Variants in TMPRSS15 observed in about 807,000 individuals in gnomAD.
The protein encoded by TMPRSS15 is transmembrane serine protease 15, also known as enteropeptidase.
In TMPRSS15, 128 loss-of-function variants were observed where a neutral mutation model predicts 125.3. The ratio of observed to expected loss-of-function variants is 1.02; its 90% CI spans 0.89 to 1.18. TMPRSS15 has a LOEUF of 1.18. Ranked by LOEUF, TMPRSS15 falls within the 50% of genes most tolerant of loss-of-function variation. The pLI, the probability that TMPRSS15 is intolerant of heterozygous loss-of-function variation, is 0.00. For missense variants in TMPRSS15, 1,283 were observed against 1,212.7 expected (o/e 1.06, Z -0.86); for synonymous variants, 446 against 423.2 (o/e 1.05, Z -0.66).
intron 24 of TMPRSS15, among the ~76,000 whole-genome samples, chr21:18,271,387 A>AGAC (rs1346067992): frequency 1.3e-5 from 2 of 152,204 alleles, no homozygotes; most frequent in Admixed American, 6.5e-5. Flanking sequence ...ATTTTTTAAT[A>AGAC]GACAAGAGGA....
chr21:18,440,273 T>A (rs1252333607), intron 1 of TMPRSS15, among the ~76,000 whole-genome samples: 1 of 145,558 alleles, frequency 6.9e-6, no homozygotes, highest in Non-Finnish European at 1.5e-5. Flanking sequence ...CACGGGAGGC[T>A]GAGGCAGGAG....
chr21:18,430,422 T>C lies in TMPRSS15; in HGVS notation c.11-32093A>G, dbSNP rs182860141. 1.1e-4 allele frequency among the ~76,000 whole-genome samples: 16 copies of C among 152,296 alleles called. No individual in the cohort carries two copies. In the East Asian group the frequency reaches 1.4e-3, roughly 13 times the overall value. On this transcript the variant is annotated intron_variant, in intron 1 of 7. Coordinates refer to the TMPRSS15 transcript ENST00000422787. ...ACTTATTTTGGCAGCAGAAAATATA[T>C]TGGTGAAGGTGTTCACCTAGAATGA...
chr21:18,379,832 T>A (rs1382827833), intron 4 of TMPRSS15, among the ~76,000 whole-genome samples: 1 of 152,072 alleles, frequency 6.6e-6, no homozygotes, highest in African/African-American at 2.4e-5. Context: ...TACAAAATCA[T>A]TCTGATAATT....
At chr21:18,458,408 C>T (rs1424129784) in intron 1 of TMPRSS15, among the ~76,000 whole-genome samples, 1 of 152,064 alleles carries the variant, frequency 6.6e-6, no homozygotes, top group East Asian at 1.9e-4. Context: ...CACACTATGC[C>T]AGAACTGTGT....
chr21:18,330,437 A>G (rs1039759797), intron 14 of TMPRSS15, among the ~76,000 whole-genome samples: 1 of 152,164 alleles, frequency 6.6e-6, no homozygotes, highest in Non-Finnish European at 1.5e-5. Flanking sequence ...ATTCTTTCAC[A>G]CTTCTAATTT....
chr21:18,286,004 G>A (rs1311099856), intron 21 of TMPRSS15, among the ~76,000 whole-genome samples: 3 of 152,182 alleles, frequency 2.0e-5, no homozygotes, highest in Non-Finnish European at 4.4e-5. Context: ...TTGTGTAAGT[G>A]TAAGAAACAG....
chr21:18,275,739 G>A (rs768302677), intron 23 of TMPRSS15, among the ~76,000 whole-genome samples: 1 of 152,154 alleles, frequency 6.6e-6, no homozygotes, highest in Admixed American at 6.5e-5. Flanking sequence ...GGAGGTGCTC[G>A]CTTCTGTATA....
At chr21:18,437,059 A>C (rs1038708307) in intron 1 of TMPRSS15, among the ~76,000 whole-genome samples, 3 of 148,562 alleles carry the variant, frequency 2.0e-5, no homozygotes, top group Non-Finnish European at 4.5e-5. Context: ...GCATCATGCT[A>C]CCTGACTTCA....
chr21:18,418,571 AC>A (rs905230629), intron 1 of TMPRSS15, among the ~76,000 whole-genome samples: 11 of 151,278 alleles, frequency 7.3e-5, no homozygotes, highest in Admixed American at 1.3e-4. Context: ...GGAAAATGTT[AC>A]CCCCCCAATC....
chr21:18,353,320 A>G (rs762000955), intron 9 of TMPRSS15, among the ~76,000 whole-genome samples: 2 of 151,774 alleles, frequency 1.3e-5, no homozygotes, highest in Non-Finnish European at 2.9e-5. Context: ...TAAGTTTTAC[A>G]TCTTGTTTCC....
At chr21:18,387,948 G>T (rs1458045542) in intron 3 of TMPRSS15, among the ~76,000 whole-genome samples, 1 of 151,550 alleles carries the variant, frequency 6.6e-6, no homozygotes, top group Non-Finnish European at 1.5e-5. Flanking sequence ...AGTTAATAAT[G>T]AGTCTTCTAC....
intron 11 of TMPRSS15, 94 bp from the exon 12 acceptor site, chr21:18,343,750 A>G: frequency 6.9e-7 from 1 of 1,441,256 alleles, no homozygotes; most frequent in East Asian, 2.3e-5. Context: ...TCTTTGAAAT[A>G]ATCTTTTTTT....
At chr21:18,392,732 A>G (rs1306822697) in intron 3 of TMPRSS15, among the ~76,000 whole-genome samples, 1 of 152,224 alleles carries the variant, frequency 6.6e-6, no homozygotes, top group Non-Finnish European at 1.5e-5. Context: ...AGGAAGTTTA[A>G]TTGACTCACA....
chr21:18,440,298 G>A (rs879661829), intron 1 of TMPRSS15, among the ~76,000 whole-genome samples: 54 of 138,660 alleles, frequency 3.9e-4, no homozygotes, highest in African/African-American at 1.1e-3. Context: ...GCGTGAACCC[G>A]GGAGGCGGAG....
chr21:18,302,363 C>T (rs1244470551), intron 18 of TMPRSS15, among the ~76,000 whole-genome samples: 1 of 152,060 alleles, frequency 6.6e-6, no homozygotes, highest in East Asian at 1.9e-4. Flanking sequence ...AGAAGAGATT[C>T]GATGGCAAAT....
At chr21:18,317,553 T>A (rs1357165849) in intron 16 of TMPRSS15, among the ~76,000 whole-genome samples, 1 of 152,042 alleles carries the variant, frequency 6.6e-6, no homozygotes, top group African/African-American at 2.4e-5. Context: ...AGCATCTAAC[T>A]CCCTGGCCAA....
chr21:18,279,536 G>A lies in TMPRSS15; in HGVS notation c.2669-477C>T, dbSNP rs895942492. Among the ~76,000 whole-genome samples the A allele has an allele frequency of 4.0e-5, 6 of 150,068 alleles. No individual in the cohort carries two copies. The Admixed American group carries it at 4.0e-4, about 10-fold the overall frequency. On this transcript the variant is annotated intron_variant, in intron 22 of 24. Transcript: ENST00000284885. ...TTTTTAGTAGAGATGGCGTTTCACT[G>A]TGTTAGCCAGGATGGTCTCGATTTC...
At chr21:18,441,300 CAAAA>C (rs2076240801) in intron 1 of TMPRSS15, among the ~76,000 whole-genome samples, 1 of 148,420 alleles carries the variant, frequency 6.7e-6, no homozygotes, top group Non-Finnish European at 1.5e-5. Context: ...CAAAACAAAA[CAAAA>C]CAAAACCAAA....
At chr21:18,287,807 A>C (rs548418630) in intron 21 of TMPRSS15, among the ~76,000 whole-genome samples, 1 of 152,314 alleles carries the variant, frequency 6.6e-6, no homozygotes, top group South Asian at 2.1e-4. Flanking sequence ...AGATAGTATT[A>C]ACTTTTAGGA....
Sources: allele counts gnomAD v4.1 joint callset (sites outside exome capture counted in the v4.1 genomes callset), GRCh38; gene constraint gnomAD v4.1.1; transcripts MANE v1.5; gene names NCBI Gene and HGNC (gene_info 2026-07-23, HGNC 2026-07-21).